Variants in DOCK2 observed in about 807,000 individuals in gnomAD.
DOCK2 encodes dedicator of cytokinesis 2.
In DOCK2, 87 loss-of-function variants were observed where a neutral mutation model predicts 248.9. The ratio of observed to expected loss-of-function variants is 0.35; its 90% CI spans 0.29 to 0.42. The LOEUF is 0.42. Among genes scored for constraint, DOCK2 ranks in the 10% least tolerant of loss-of-function variants. The probability of loss-of-function intolerance (pLI) is 1.00; values close to 1 mark genes in which losing one functional copy is unlikely to be tolerated. For synonymous variants in DOCK2, 805 were observed against 821.6 expected (o/e 0.98, Z 0.35); for missense variants, 1,747 against 2,300.2 (o/e 0.76, Z 4.92).
intron 1 of DOCK2, among the ~76,000 whole-genome samples, chr5:169,640,258 C>A (rs1359699620): frequency 6.6e-6 from 1 of 152,142 alleles, no homozygotes; most frequent in African/African-American, 2.4e-5. Flanking sequence ...TGGTCTCTGG[C>A]ATGGTATTTT....
intron 6 of DOCK2, among the ~76,000 whole-genome samples, chr5:169,677,838 A>G (rs995110663): frequency 3.3e-5 from 5 of 152,166 alleles, no homozygotes; most frequent in Non-Finnish European, 7.4e-5. Flanking sequence ...CCCTCTGGAA[A>G]CCACTTCAAA....
intron 15 of DOCK2, among the ~76,000 whole-genome samples, chr5:169,709,627 A>G (rs960820464): frequency 4.6e-5 from 7 of 152,206 alleles, no homozygotes; most frequent in Non-Finnish European, 5.9e-5. Context: ...AGGCTGAGGC[A>G]TGACAATCAC....
At chr5:169,944,709 A>T (rs1037299442) in intron 27 of DOCK2, among the ~76,000 whole-genome samples, 6 of 152,222 alleles carry the variant, frequency 3.9e-5, no homozygotes, top group Non-Finnish European at 7.3e-5. Flanking sequence ...AAACAGCTGA[A>T]CATGTGGTGG....
At chr5:169,972,318 C>G (rs749818578) in intron 27 of DOCK2, among the ~76,000 whole-genome samples, 1 of 152,082 alleles carries the variant, frequency 6.6e-6, no homozygotes, top group African/African-American at 2.4e-5. Flanking sequence ...GTATCTTCCC[C>G]TTTATGGATC....
At chr5:170,057,264 T>A in intron 43 of DOCK2, 1 of 416,806 alleles carries the variant, frequency 2.4e-6, no homozygotes, top group Non-Finnish European at 4.5e-6. Context: ...TCTTTGAGAG[T>A]CTAATGAACA....
At chr5:169,666,091 G>A (rs1435874020) in intron 2 of DOCK2, among the ~76,000 whole-genome samples, 3 of 152,186 alleles carry the variant, frequency 2.0e-5, no homozygotes, top group Non-Finnish European at 2.9e-5. Flanking sequence ...TATGGAGACT[G>A]GAAAGTTGAA....
chr5:169,750,330 C>A (rs550053625), intron 23 of DOCK2, among the ~76,000 whole-genome samples: 2 of 152,292 alleles, frequency 1.3e-5, no homozygotes, highest in South Asian at 4.1e-4. Context: ...AAAAAGGAAG[C>A]AAAGAGGAAC....
At chr5:170,071,749 T>C (rs566861178) in intron 46 of DOCK2, among the ~76,000 whole-genome samples, 2 of 152,340 alleles carry the variant, frequency 1.3e-5, no homozygotes, top group South Asian at 4.1e-4. Context: ...TCTGTTTTTA[T>C]AGTAATCATT....
intron 29 of DOCK2, among the ~76,000 whole-genome samples, chr5:169,991,172 A>C (rs1259659743): frequency 2.0e-5 from 3 of 152,220 alleles, no homozygotes; most frequent in African/African-American, 7.2e-5. Flanking sequence ...CTCTGTGTGC[A>C]CCTTCCATTC....
At chr5:169,991,832 G>C (rs934333692) in intron 29 of DOCK2, among the ~76,000 whole-genome samples, 1 of 152,220 alleles carries the variant, frequency 6.6e-6, no homozygotes, top group African/African-American at 2.4e-5. Flanking sequence ...GTTTGAATGT[G>C]GGGAAATTAT....
intron 26 of DOCK2, among the ~76,000 whole-genome samples, chr5:169,833,789 C>T (rs937492114): frequency 6.6e-6 from 1 of 152,200 alleles, no homozygotes; most frequent in African/African-American, 2.4e-5. Context: ...GCACTGGTGG[C>T]CAGGCCTTCA....
chr5:169,822,305 C>G (rs1187173725), intron 26 of DOCK2, among the ~76,000 whole-genome samples: 2 of 152,226 alleles, frequency 1.3e-5, no homozygotes, highest in Non-Finnish European at 2.9e-5. Context: ...CCCAAATCAA[C>G]AGAATATACA....
intron 27 of DOCK2, among the ~76,000 whole-genome samples, chr5:169,866,065 G>T (rs999233268): frequency 7.1e-6 from 1 of 141,756 alleles, no homozygotes; most frequent in African/African-American, 2.8e-5. Flanking sequence ...CAAGACTGAT[G>T]GGTTGTTGCA....
intron 45 of DOCK2, among the ~76,000 whole-genome samples, chr5:170,068,399 C>A (rs911295936): frequency 6.6e-5 from 10 of 152,326 alleles, no homozygotes; most frequent in Middle Eastern, 6.8e-3. Flanking sequence ...ATGAACTCCT[C>A]ATTCTAACAA....
At chr5:169,929,997 T>G (rs563079244) in intron 27 of DOCK2, among the ~76,000 whole-genome samples, 239 of 152,250 alleles carry the variant, frequency 1.6e-3, no homozygotes, top group Non-Finnish European at 3.0e-3. Flanking sequence ...ATTTATTTAT[T>G]TTGTTTATTT....
intron 29 of DOCK2, among the ~76,000 whole-genome samples, chr5:169,994,014 C>T (rs940480196): frequency 1.3e-5 from 2 of 152,144 alleles, no homozygotes; most frequent in African/African-American, 2.4e-5. Flanking sequence ...TTTTTCCCCC[C>T]ACTCTGAGCA....
At chr5:170,076,436 G>T (rs10866644) in intron 47 of DOCK2, among the ~76,000 whole-genome samples, 1 of 152,108 alleles carries the variant, frequency 6.6e-6, no homozygotes, top group South Asian at 2.1e-4. Flanking sequence ...AGCCTGAGAG[G>T]CAGGAAAGAT....
At chr5:170,033,846 C>T (rs917529411) in intron 34 of DOCK2, among the ~76,000 whole-genome samples, 3 of 152,074 alleles carry the variant, frequency 2.0e-5, no homozygotes, top group African/African-American at 7.2e-5. Flanking sequence ...CTTTTCATGC[C>T]CAGACATATT....
At chr5:169,802,776 T>C (rs1767077607) in intron 25 of DOCK2, among the ~76,000 whole-genome samples, 1 of 152,208 alleles carries the variant, frequency 6.6e-6, no homozygotes, top group Non-Finnish European at 1.5e-5. Context: ...ATATTTCATA[T>C]GGCACATTTT....
Sources: allele counts gnomAD v4.1 joint callset (sites outside exome capture counted in the v4.1 genomes callset), GRCh38; gene constraint gnomAD v4.1.1; transcripts MANE v1.5; gene names NCBI Gene and HGNC (gene_info 2026-07-23, HGNC 2026-07-21).